Variants in ADORA2B observed in about 807,000 individuals in gnomAD.
ADORA2B encodes the protein adenosine receptor A2b.
ADORA2B carries 18 observed loss-of-function variants against 20.8 expected under a neutral mutation model. The ratio of observed to expected loss-of-function variants is 0.87; its 90% CI spans 0.60 to 1.29. The LOEUF (loss-of-function observed/expected upper bound fraction) is 1.29, where lower values mean the gene tolerates loss of function less well. Ranked by LOEUF, ADORA2B falls within the 50% of genes most tolerant of loss-of-function variation. The probability of loss-of-function intolerance (pLI) is 0.00; values close to 1 mark genes in which losing one functional copy is unlikely to be tolerated. For synonymous variants in ADORA2B, 179 were observed against 178.3 expected, an observed-to-expected ratio of 1.00 and a Z score of -0.03; for missense variants, 441 against 422.7, an observed-to-expected ratio of 1.04 and a Z score of -0.38.
At chr17:15,889,629 C>T in the ADORA2B span, among the ~76,000 whole-genome samples, 7 of 130,400 alleles carry the variant, frequency 5.4e-5, 2 homozygotes, top group Middle Eastern at 7.4e-3. Context: ...CGTAGTGGCT[C>T]ATGCCTGTAA....
the ADORA2B span, among the ~76,000 whole-genome samples, chr17:15,874,111 T>C: frequency 1.1e-4 from 12 of 114,286 alleles, no homozygotes; most frequent in Non-Finnish European, 2.4e-4. Flanking sequence ...CACACACATA[T>C]ATACATACAC....
the ADORA2B span, among the ~76,000 whole-genome samples, chr17:15,886,378 G>T: frequency 2.3e-5 from 3 of 129,838 alleles, 1 homozygote; most frequent in Non-Finnish European, 4.9e-5. Context: ...GGGTGTACTT[G>T]TCAGCCCCTC....
chr17:15,902,245 CTG>C, the ADORA2B span, among the ~76,000 whole-genome samples: 1 of 151,128 alleles, frequency 6.6e-6, no homozygotes, highest in African/African-American at 2.4e-5. Flanking sequence ...CAGTCTCGCT[CTG>C]TCATTCCAGG....
the ADORA2B span, among the ~76,000 whole-genome samples, chr17:15,914,515 AC>A: frequency 6.6e-6 from 1 of 152,312 alleles, no homozygotes; most frequent in East Asian, 1.9e-4. Context: ...GTTAAAAAAA[AC>A]AGGATGTGTC....
At chr17:15,859,927 G>A in the ADORA2B span, among the ~76,000 whole-genome samples, 1 of 152,170 alleles carries the variant, frequency 6.6e-6, no homozygotes, top group Non-Finnish European at 1.5e-5. Context: ...CCCAATTTCT[G>A]CCTCCAAAGA....
the ADORA2B span, among the ~76,000 whole-genome samples, chr17:15,859,252 A>G: frequency 2.6e-5 from 4 of 152,148 alleles, no homozygotes; most frequent in East Asian, 1.9e-4. Flanking sequence ...GGATGATTCT[A>G]TTTACTGTAA....
Position 15,945,483 on chromosome 17 carries a change from C to G in ADORA2B, c.235C>G (p.Leu79Val), listed in dbSNP as rs765651703. ...CTTCTGCACTGACTTCTACGGCTGC[C>G]TCTTCCTCGCCTGCTTCGTGCTGGT... Reference protein sequence around the residue: ...LGFCTDFYGCLFLACFVLVLT... With the variant: ...LGFCTDFYGCVFLACFVLVLT... The change falls in exon 1 of 2, where the codon CTC becomes GTC. Residue 79 changes from leucine (L) to valine (V), a missense_variant. Transcript: ENST00000304222. 3.5e-5 allele frequency: 57 copies of G among 1,612,922 alleles called. No individual in the cohort carries two copies. Among genetic ancestry groups the G allele is most frequent in the Non-Finnish European group, 4.7e-5 (56 of 1,179,862 alleles).
intron 1 of ADORA2B, among the ~76,000 whole-genome samples, chr17:15,951,573 T>C (rs1275381392): frequency 1.3e-5 from 2 of 152,244 alleles, no homozygotes; most frequent in African/African-American, 2.4e-5. Context: ...CATAAGGGGC[T>C]GGTTCCTGGC....
At chr17:15,924,855 C>T in the ADORA2B span, among the ~76,000 whole-genome samples, 8 of 148,228 alleles carry the variant, frequency 5.4e-5, 1 homozygote, top group Admixed American at 4.7e-4. Flanking sequence ...ATGTTTTTTT[C>T]TTTCTTTCTT....
intron 1 of ADORA2B, among the ~76,000 whole-genome samples, chr17:15,954,241 AGTGTT>A (rs1969941008): frequency 6.6e-6 from 1 of 152,100 alleles, no homozygotes; most frequent in South Asian, 2.1e-4. Flanking sequence ...GGTCTCCCAA[AGTGTT>A]GGGATTACAG....
At chr17:15,949,929 TC>T (rs1299961927) in intron 1 of ADORA2B, among the ~76,000 whole-genome samples, 1 of 152,164 alleles carries the variant, frequency 6.6e-6, no homozygotes, top group Non-Finnish European at 1.5e-5. Context: ...TCCCAAGAGC[TC>T]CCTCCTTGGG....
At chr17:15,960,875 C>CA (rs34117116) in intron 1 of ADORA2B, among the ~76,000 whole-genome samples, 21 of 116,072 alleles carry the variant, frequency 1.8e-4, no homozygotes, top group African/African-American at 3.6e-4. Flanking sequence ...GACTCCGTCT[C>CA]AAAAAAAAAA....
At chr17:15,950,732 A>G (rs907038466) in intron 1 of ADORA2B, among the ~76,000 whole-genome samples, 3 of 152,086 alleles carry the variant, frequency 2.0e-5, no homozygotes, top group Admixed American at 6.5e-5. Context: ...AGAGAGTGAA[A>G]TCCCTATGCC....
chr17:15,890,550 G>T, the ADORA2B span, among the ~76,000 whole-genome samples: 32 of 151,240 alleles, frequency 2.1e-4, no homozygotes, highest in African/African-American at 7.3e-4. Context: ...TATAATCTTA[G>T]TTCTTCTTTA....
the ADORA2B span, among the ~76,000 whole-genome samples, chr17:15,898,443 T>C: frequency 6.7e-6 from 1 of 148,774 alleles, no homozygotes; most frequent in Non-Finnish European, 1.5e-5. Context: ...TACACTTTCT[T>C]AATCTCCCAC....
chr17:15,955,393 T>C (rs909549572), intron 1 of ADORA2B, among the ~76,000 whole-genome samples: 6 of 151,480 alleles, frequency 4.0e-5, no homozygotes, highest in Non-Finnish European at 8.8e-5. Context: ...GGATTCTTTT[T>C]TTGTTTTTTT....
At chr17:15,970,383 G>A (rs1970176765) in intron 1 of ADORA2B, among the ~76,000 whole-genome samples, 1 of 152,184 alleles carries the variant, frequency 6.6e-6, no homozygotes. Context: ...CAGCAGCTAT[G>A]AGAAGTTCAG....
chr17:15,972,305 C>T (rs1433760094), intron 1 of ADORA2B, among the ~76,000 whole-genome samples: 1 of 152,164 alleles, frequency 6.6e-6, no homozygotes, highest in Non-Finnish European at 1.5e-5. Flanking sequence ...GCAGGTAAAG[C>T]AAACAAACAC....
At chr17:15,862,785 C>A in the ADORA2B span, among the ~76,000 whole-genome samples, 1 of 149,390 alleles carries the variant, frequency 6.7e-6, no homozygotes, top group Non-Finnish European at 1.5e-5. Flanking sequence ...TATACAAAAT[C>A]GGCTACTTTT....
Sources: gnomAD v4.1 joint callset for allele counts (sites outside exome capture counted in the v4.1 genomes callset) on GRCh38, gnomAD v4.1.1 for gene constraint, MANE v1.5 for transcripts, NCBI Gene and HGNC (gene_info 2026-07-23, HGNC 2026-07-21) for gene names.